The following RSRC1 variants were observed in gnomAD, a reference collection of about 807,000 sequenced individuals.
The protein encoded by RSRC1 is serine/Arginine-related protein 53.
A neutral mutation model predicts 49.1 loss-of-function variants in RSRC1; 39 were observed. The observed-to-expected ratio is 0.79, with a 90% CI of 0.61 to 1.04. RSRC1 has a LOEUF of 1.04. Ranked by LOEUF, RSRC1 falls within the 50% of genes least tolerant of loss-of-function variation. The probability of loss-of-function intolerance (pLI) is 0.00; values close to 1 mark genes in which losing one functional copy is unlikely to be tolerated. For missense variants in RSRC1, 388 were observed against 402.4 expected (o/e 0.96, Z 0.31); for synonymous variants, 143 against 130.8 (o/e 1.09, Z -0.63).
intron 6 of RSRC1, among the ~76,000 whole-genome samples, chr3:158,391,329 T>A (rs1241057945): frequency 1.3e-5 from 2 of 152,184 alleles, no homozygotes; most frequent in African/African-American, 4.8e-5. Context: ...GAGCCACATT[T>A]CTTACCACAA....
intron 6 of RSRC1, among the ~76,000 whole-genome samples, chr3:158,378,692 T>G (rs1732519949): frequency 6.6e-6 from 1 of 152,180 alleles, no homozygotes; most frequent in African/African-American, 2.4e-5. Flanking sequence ...CTTTCTCTGA[T>G]TCTCTCTTTT....
At chr3:158,241,499 T>G (rs1245003666) in intron 4 of RSRC1, among the ~76,000 whole-genome samples, 1 of 151,570 alleles carries the variant, frequency 6.6e-6, no homozygotes, top group Non-Finnish European at 1.5e-5. Context: ...TTTAAAAAAG[T>G]GTCCATAGTG....
At chr3:158,307,339 A>T (rs1162726679) in intron 5 of RSRC1, among the ~76,000 whole-genome samples, 1 of 151,884 alleles carries the variant, frequency 6.6e-6, no homozygotes, top group Non-Finnish European at 1.5e-5. Flanking sequence ...ATGATTTCTA[A>T]GGTTCTTGAA....
intron 3 of RSRC1, among the ~76,000 whole-genome samples, chr3:158,173,955 G>A (rs1559929142): frequency 6.6e-6 from 1 of 151,818 alleles, no homozygotes; most frequent in Admixed American, 6.6e-5. Context: ...GGGGTGGGGG[G>A]TGGAATTAAT....
intron 6 of RSRC1, among the ~76,000 whole-genome samples, chr3:158,415,994 G>C (rs1292236768): frequency 6.6e-6 from 1 of 151,916 alleles, no homozygotes; most frequent in African/African-American, 2.4e-5. Flanking sequence ...TATTCTAAGT[G>C]TTCAGAATAT....
chr3:158,516,626 G>T (rs865842239), intron 7 of RSRC1, among the ~76,000 whole-genome samples: 4 of 152,288 alleles, frequency 2.6e-5, no homozygotes, highest in South Asian at 4.1e-4. Flanking sequence ...GGCTCCACCC[G>T]GTTGGAGCTT....
chr3:158,170,112 TAATAA>T (rs1201659719), intron 3 of RSRC1, among the ~76,000 whole-genome samples: 2 of 152,182 alleles, frequency 1.3e-5, no homozygotes, highest in African/African-American at 4.8e-5. Context: ...GAGAGTTTAA[TAATAA>T]AATAAAATCT....
intron 3 of RSRC1, among the ~76,000 whole-genome samples, chr3:158,149,666 G>A (rs1717399952): frequency 6.6e-6 from 1 of 152,156 alleles, no homozygotes; most frequent in Non-Finnish European, 1.5e-5. Context: ...TGATGCTATA[G>A]GTATTCAGAT....
intron 4 of RSRC1, among the ~76,000 whole-genome samples, chr3:158,247,345 A>G (rs1482687148): frequency 1.3e-5 from 2 of 151,978 alleles, no homozygotes; most frequent in African/African-American, 4.8e-5. Flanking sequence ...GTTATTATCC[A>G]TCTTTTGAAT....
chr3:158,197,011 C>T (rs187345842), intron 3 of RSRC1, among the ~76,000 whole-genome samples: 11 of 152,226 alleles, frequency 7.2e-5, no homozygotes, highest in African/African-American at 2.6e-4. Flanking sequence ...TGATGCCGGC[C>T]TCATAAAACG....
intron 4 of RSRC1, among the ~76,000 whole-genome samples, chr3:158,235,972 C>T (rs113130575): frequency 0.017 from 2,570 of 151,930 alleles, 65 homozygotes; most frequent in African/African-American, 0.06. Flanking sequence ...AAAAATTAGC[C>T]GGGTATGGTG....
chr3:158,329,307 G>A (rs1559995880), intron 5 of RSRC1, among the ~76,000 whole-genome samples: 2 of 152,146 alleles, frequency 1.3e-5, no homozygotes, highest in African/African-American at 4.8e-5. Context: ...GAGGGGGAGA[G>A]GTGCTCTGAT....
At chr3:158,462,030 C>T (rs1156516116) in intron 7 of RSRC1, among the ~76,000 whole-genome samples, 1 of 149,606 alleles carries the variant, frequency 6.7e-6, no homozygotes, top group Non-Finnish European at 1.5e-5. Flanking sequence ...ATTTAAGTGG[C>T]AGATCCCTAC....
At chr3:158,324,330 C>G (rs959971316) in intron 5 of RSRC1, among the ~76,000 whole-genome samples, 67 of 151,942 alleles carry the variant, frequency 4.4e-4, no homozygotes, top group Non-Finnish European at 8.1e-4. Context: ...TGTGCTGCAC[C>G]CATTAACTCG....
intron 5 of RSRC1, among the ~76,000 whole-genome samples, chr3:158,334,013 A>G (rs963087827): frequency 1.7e-4 from 26 of 152,220 alleles, no homozygotes; most frequent in African/African-American, 5.1e-4. Context: ...GTCAGGAAAG[A>G]CATTTATATA....
At chr3:158,230,832 A>G (rs958465417) in intron 4 of RSRC1, among the ~76,000 whole-genome samples, 2 of 152,178 alleles carry the variant, frequency 1.3e-5, no homozygotes, top group South Asian at 4.1e-4. Flanking sequence ...CTCTTAGATA[A>G]ATTGTAAATT....
chr3:158,235,741 T>C (rs901374186), intron 4 of RSRC1, among the ~76,000 whole-genome samples: 8 of 152,240 alleles, frequency 5.3e-5, no homozygotes, highest in African/African-American at 1.9e-4. Context: ...ATGTATAAAA[T>C]GGTTTTTAAA....
At chr3:158,331,779 AC>A (rs1333824350) in intron 5 of RSRC1, among the ~76,000 whole-genome samples, 2 of 151,144 alleles carry the variant, frequency 1.3e-5, no homozygotes, top group African/African-American at 4.8e-5. Flanking sequence ...TATGCAAAAA[AC>A]CTGAATAAGA....
intron 6 of RSRC1, among the ~76,000 whole-genome samples, chr3:158,381,524 A>G (rs1159489430): frequency 6.6e-6 from 1 of 152,196 alleles, no homozygotes. Flanking sequence ...ATATCACTTG[A>G]TGAGGATACA....
Sources: allele counts gnomAD v4.1 joint callset (sites outside exome capture counted in the v4.1 genomes callset), GRCh38; gene constraint gnomAD v4.1.1; transcripts MANE v1.5; gene names NCBI Gene and HGNC (gene_info 2026-07-23, HGNC 2026-07-21).